The following STX7 variants were observed in gnomAD, a reference collection of about 807,000 sequenced individuals.
The protein encoded by STX7 is syntaxin 7.
Under a neutral mutation model 39.6 loss-of-function variants are expected in STX7, and 34 were observed. The observed-to-expected ratio is 0.86, with a 90% CI of 0.65 to 1.14. The LOEUF (loss-of-function observed/expected upper bound fraction) is 1.14, where lower values mean the gene tolerates loss of function less well. STX7 is among the 50% of genes most tolerant of loss of function. The pLI is 0.00. For missense variants in STX7, 284 were observed against 310.4 expected, an observed-to-expected ratio of 0.92 and a Z score of 0.64; for synonymous variants, 119 against 99.1, an observed-to-expected ratio of 1.20 and a Z score of -1.19.
intron 3 of STX7, among the ~76,000 whole-genome samples, chr6:132,472,767 T>C (rs1189569920): frequency 6.6e-6 from 1 of 152,166 alleles, no homozygotes; most frequent in Non-Finnish European, 1.5e-5. Flanking sequence ...AAAAGATTTG[T>C]TACCTTAGAC....
chr6:132,506,448 T>G (rs928725755), intron 1 of STX7, among the ~76,000 whole-genome samples: 1 of 151,936 alleles, frequency 6.6e-6, no homozygotes, highest in Non-Finnish European at 1.5e-5. Context: ...AGCACATGAA[T>G]AGACATTTTT....
intron 9 of STX7, chr6:132,461,952 C>T: frequency 1.7e-6 from 2 of 1,181,950 alleles, no homozygotes; most frequent in South Asian, 3.0e-5. Context: ...TCTGAAATTA[C>T]ACTGAAAACC....
chr6:132,464,293 A>G (rs1478641267), intron 8 of STX7, among the ~76,000 whole-genome samples: 2 of 152,232 alleles, frequency 1.3e-5, no homozygotes, highest in Admixed American at 1.3e-4. Context: ...GAGCATTTGT[A>G]TAACAGAACC....
At chr6:132,490,873 G>A (rs1775262936) in intron 2 of STX7, among the ~76,000 whole-genome samples, 1 of 152,180 alleles carries the variant, frequency 6.6e-6, no homozygotes. Flanking sequence ...GGCCGATGAA[G>A]TGATTGGGAT....
At chr6:132,497,506 A>C (rs1775446239) in intron 2 of STX7, among the ~76,000 whole-genome samples, 2 of 152,336 alleles carry the variant, frequency 1.3e-5, no homozygotes, top group Non-Finnish European at 1.5e-5. Context: ...TCAGCTATAC[A>C]CAAATAATTT....
rs1475070775 is a variant in STX7 at position 132,455,027 on chromosome 6, T to G, written c.*5731A>C. Reference sequence around the variant, plus strand: ...ACTCAAAACGACCACAGTACCTAGGTTTGAGATAAGAATGAAATAAAATAT... The same window carrying G: ...ACTCAAAACGACCACAGTACCTAGGGTTGAGATAAGAATGAAATAAAATAT... On this transcript the variant is annotated 3_prime_UTR_variant, in exon 10 of 10. Coordinates refer to ENST00000367941, the MANE Select transcript of STX7 (RefSeq NM_003569.3). 6.6e-6 allele frequency: 1 copy of G among 152,044 alleles called. No individual in the cohort carries two copies. Among genetic ancestry groups the G allele is most frequent in the Non-Finnish European group, 1.5e-5 (1 of 67,980 alleles). 9.4% of individuals were successfully genotyped at this position (152,044 alleles called of 1,614,324 possible). A position where few individuals can be genotyped will look rare whatever the true frequency, so the allele number is the denominator to read the frequency against.
Position 132,458,515 on chromosome 6 carries a change from T to A in STX7, c.*2243A>T, listed in dbSNP as rs931749896. 6.6e-6 allele frequency: 1 copy of A among 152,232 alleles called. No homozygotes were observed. Among genetic ancestry groups the A allele is most frequent in the Non-Finnish European group, 1.5e-5 (1 of 68,042 alleles). The allele number at this position is 152,232 out of a possible 1,614,324, so 9.4% of individuals were successfully genotyped here. On this transcript the variant is annotated 3_prime_UTR_variant, in exon 10 of 10. Coordinates refer to ENST00000367941, the MANE Select transcript of STX7 (RefSeq NM_003569.3). Reference sequence around the variant, plus strand: ...TCTTTTGAGCACACAAAAACAAATGTATAGTCACTTGATGAGGAAATTCTT... The same window carrying A: ...TCTTTTGAGCACACAAAAACAAATGAATAGTCACTTGATGAGGAAATTCTT...
At chr6:132,490,115 T>G (rs930247669) in intron 2 of STX7, among the ~76,000 whole-genome samples, 2 of 152,216 alleles carry the variant, frequency 1.3e-5, no homozygotes, top group African/African-American at 4.8e-5. Context: ...CATAACAATG[T>G]GATTTGTGTA....
In STX7 at chr6:132,509,503, ATAACATAAC is replaced by A. The variant is rs1562343734; in HGVS notation, c.-59+3495_-59+3503del. ...ATAACATAACATAACATAACATAAC[ATAACATAAC>A]ATAAAATAAAAAAAGACAAAAGAAA... On this transcript the variant is annotated intron_variant, in intron 1 of 9. Transcript: ENST00000367941. 2.1e-3 allele frequency among the ~76,000 whole-genome samples: 297 copies of A among 144,284 alleles called. 41 individuals carry two copies. The highest frequency in any genetic ancestry group is 7.2e-3 in the African/African-American group (285 of 39,838). 94.7% of individuals were successfully genotyped at this position (144,284 alleles called of 152,430 possible).
At chr6:132,510,219 G>A (rs1775813300) in intron 1 of STX7, among the ~76,000 whole-genome samples, 1 of 152,170 alleles carries the variant, frequency 6.6e-6, no homozygotes. Flanking sequence ...CAAATACTTA[G>A]AAGAAAGAAT....
intron 7 of STX7, among the ~76,000 whole-genome samples, chr6:132,469,457 C>A (rs1414718226): frequency 6.6e-6 from 1 of 152,122 alleles, no homozygotes; most frequent in Non-Finnish European, 1.5e-5. Context: ...CTCGTCCTAG[C>A]ACAAACAGTA....
intron 1 of STX7, among the ~76,000 whole-genome samples, chr6:132,507,477 C>T (rs1775734052): frequency 6.6e-6 from 1 of 152,246 alleles, no homozygotes; most frequent in Admixed American, 6.5e-5. Context: ...TTCTCCCCAA[C>T]CTCACTGGCC....
intron 9 of STX7, among the ~76,000 whole-genome samples, chr6:132,462,905 A>G (rs1774447439): frequency 1.3e-5 from 2 of 152,276 alleles, no homozygotes; most frequent in South Asian, 4.1e-4. Flanking sequence ...TGAGAAGGTG[A>G]CAATATCTTA....
rs529841958 is a variant in STX7 at position 132,464,173 on chromosome 6, C to T, written c.611-98G>A. 24 of 1,215,338 alleles carry T rather than the reference C, an allele frequency of 2.0e-5. No homozygotes were observed. In the African/African-American group the frequency reaches 2.7e-4, roughly 14 times the overall value. The allele number at this position is 1,215,338 out of a possible 1,614,324, so 75.3% of individuals were successfully genotyped here. A position where few individuals can be genotyped will look rare whatever the true frequency, so the allele number is the denominator to read the frequency against. On this transcript the variant is annotated intron_variant, in intron 8 of 9. Transcript: ENST00000367941. Reference sequence around the variant, plus strand: ...CATTCAAGGTAAGATTAAATATGGTCATTATTCAAAGGTTAATAGTAGTAT... The same window carrying T: ...CATTCAAGGTAAGATTAAATATGGTTATTATTCAAAGGTTAATAGTAGTAT...
chr6:132,470,618 A>G lies in STX7; in HGVS notation c.396T>C (p.Phe132=). The G allele has an allele frequency of 1.2e-6, 2 of 1,609,494 alleles. No individual in the cohort carries two copies. Among genetic ancestry groups the G allele is most frequent in the South Asian group, 2.2e-5 (2 of 90,590 alleles). The change falls in exon 6 of 10, where the codon TTT becomes TTC. Residue 132 remains phenylalanine (F), a synonymous_variant. Coordinates refer to ENST00000367941, the MANE Select transcript of STX7 (RefSeq NM_003569.3). ...TCCTTTCTTTTGAGCTGTCCTCAGG[A>G]AAACTGCCCTGAATAATTTAGTAAC... ...VRASSRVSGS[F]PEDSSKERNL... is the part of the protein sequence containing the mutation.
chr6:132,495,055 T>G (rs562487087), intron 2 of STX7, among the ~76,000 whole-genome samples: 12 of 152,292 alleles, frequency 7.9e-5, no homozygotes, highest in African/African-American at 2.9e-4. Context: ...TACTATGGTT[T>G]GGGGTTGGAA....
rs1582650942 is a variant in STX7 at position 132,469,537 on chromosome 6, C to G, written c.537+414G>C. On this transcript the variant is annotated intron_variant, in intron 7 of 9. Coordinates refer to ENST00000367941, the MANE Select transcript of STX7 (RefSeq NM_003569.3). ...CATTACAAATGCTACCAAACTGATA[C>G]ATTAATTTTCTTTCTCTGGGCCAGA... Among the ~76,000 whole-genome samples the G allele has an allele frequency of 3.3e-5, 5 of 152,182 alleles. 1 individual carries two copies. Among genetic ancestry groups the G allele is most frequent in the Admixed American group, 3.3e-4 (5 of 15,278 alleles).
rs1015904735 is a variant in STX7 at position 132,456,115 on chromosome 6, A to C, written c.*4643T>G. On this transcript the variant is annotated 3_prime_UTR_variant, in exon 10 of 10. Coordinates refer to ENST00000367941, the MANE Select transcript of STX7 (RefSeq NM_003569.3). The stretch of plus-strand genomic sequence containing the variant: ...GATGATCAGGATGCCCAAGCTCTGA[A>C]TCCAACTGCTGCCACCAAGAGAACG... The C allele has an allele frequency of 6.6e-6, 1 of 152,196 alleles. No homozygotes were observed. Among genetic ancestry groups the C allele is most frequent in the Non-Finnish European group, 1.5e-5 (1 of 68,050 alleles). The allele number at this position is 152,196 out of a possible 1,614,324, so 9.4% of individuals were successfully genotyped here.
intron 2 of STX7, 60 bp from the exon 3 acceptor site, chr6:132,475,722 T>A: frequency 8.5e-7 from 1 of 1,179,782 alleles, no homozygotes. Flanking sequence ...CAGAAAGAGT[T>A]AAAAATTAAT....
Sources: gnomAD v4.1 joint callset for allele counts (sites outside exome capture counted in the v4.1 genomes callset) on GRCh38, gnomAD v4.1.1 for gene constraint, MANE v1.5 for transcripts, NCBI Gene and HGNC (gene_info 2026-07-23, HGNC 2026-07-21) for gene names.